PCNX1: variants seen among roughly 807,000 people sequenced by gnomAD.
PCNX1 encodes pecanex-like protein 1.
A neutral mutation model predicts 242.2 loss-of-function variants in PCNX1; 78 were observed. The observed-to-expected ratio is 0.32, with a 90% confidence interval of 0.27 to 0.39. The LOEUF (loss-of-function observed/expected upper bound fraction) is 0.39, where lower values mean the gene tolerates loss of function less well. Among genes scored for constraint, PCNX1 ranks in the 10% least tolerant of loss-of-function variants. The pLI is 1.00. For synonymous variants in PCNX1, 1,024 were observed against 1,032.9 expected (o/e 0.99, Z 0.17); for missense variants, 2,581 against 2,856.5 (o/e 0.90, Z 2.20).
intron 6 of PCNX1, among the ~76,000 whole-genome samples, chr14:70,986,143 C>G (rs1392130115): frequency 6.6e-6 from 1 of 152,156 alleles, no homozygotes; most frequent in African/African-American, 2.4e-5. Context: ...AGCACATTCC[C>G]AGGGGCATGG....
chr14:71,096,834 G>A (rs532412993), intron 30 of PCNX1, among the ~76,000 whole-genome samples: 20 of 152,264 alleles, frequency 1.3e-4, no homozygotes, highest in South Asian at 4.1e-4. Context: ...GTGTTAGAAG[G>A]CAGATGGAAA....
chr14:71,113,471 T>C lies in PCNX1; in HGVS notation c.*3536T>C, dbSNP rs969017188. ...TATTTTTCCATCACATACCAAAATA[T>C]AAAAATCAGCCTCACATTTTTCAGC... On this transcript the variant is annotated 3_prime_UTR_variant, in exon 36 of 36. Transcript: ENST00000304743. 1.4e-4 allele frequency: 22 copies of C among 152,654 alleles called. No individual in the cohort carries two copies. Among genetic ancestry groups the C allele is most frequent in the African/African-American group, 5.1e-4 (21 of 41,464 alleles). The allele number at this position is 152,654 out of a possible 1,614,324, so 9.5% of individuals were successfully genotyped here. A position where few individuals can be genotyped will look rare whatever the true frequency, so the allele number is the denominator to read the frequency against.
chr14:71,021,320 G>A (rs1309258362), intron 12 of PCNX1, among the ~76,000 whole-genome samples: 1 of 152,056 alleles, frequency 6.6e-6, no homozygotes, highest in Non-Finnish European at 1.5e-5. Context: ...GCTTGCTAGG[G>A]GTTGCATTGA....
intron 8 of PCNX1, among the ~76,000 whole-genome samples, chr14:71,000,543 T>TA (rs1186610458): frequency 6.6e-6 from 1 of 151,502 alleles, no homozygotes; most frequent in Non-Finnish European, 1.5e-5. Context: ...TTTTTTTTTT[T>TA]TTTGACGGAG....
rs148907451 is a variant in PCNX1 at position 71,103,592 on chromosome 14, C to T, written c.6018C>T (p.His2006=). The change falls in exon 32 of 36, where the codon CAC becomes CAT. Residue 2006 remains histidine, a synonymous_variant. Coordinates refer to ENST00000304743, the MANE Select transcript of PCNX1 (RefSeq NM_014982.3). Reference sequence around the variant, plus strand: ...TGACAACTTCTTACTCTGACAGCCACGAACAGCTTAAAGACATTCTTGGGG... The same window carrying T: ...TGACAACTTCTTACTCTGACAGCCATGAACAGCTTAAAGACATTCTTGGGG... ...SPLTTSYSDS[H]EQLKDILGGP... 7.2e-5 allele frequency: 117 copies of T among 1,613,922 alleles called. No individual in the cohort carries two copies. The highest frequency in any genetic ancestry group is 9.4e-5 in the Non-Finnish European group (111 of 1,179,968).
chr14:70,965,635 C>G (rs2058355121), intron 3 of PCNX1, among the ~76,000 whole-genome samples: 1 of 144,802 alleles, frequency 6.9e-6, no homozygotes, highest in South Asian at 2.2e-4. Flanking sequence ...TGCACTCCAG[C>G]CTGGGCAACA....
At chr14:71,097,176 GGT>G (rs2062312498) in intron 30 of PCNX1, among the ~76,000 whole-genome samples, 1 of 152,194 alleles carries the variant, frequency 6.6e-6, no homozygotes, top group South Asian at 2.1e-4. Flanking sequence ...AGTATTCCAT[GGT>G]GTATACGTAC....
At chr14:71,018,918 A>G in intron 11 of PCNX1, 91 bp from the exon 12 acceptor site, 3 of 1,084,402 alleles carry the variant, frequency 2.8e-6, no homozygotes, top group Non-Finnish European at 4.0e-6. Flanking sequence ...CATACCATGA[A>G]CTTCATATTT....
intron 30 of PCNX1, chr14:71,093,334 A>AG (rs34864967): frequency 6.7e-6 from 1 of 150,360 alleles, no homozygotes; most frequent in Non-Finnish European, 1.5e-5. Flanking sequence ...AAAAAAAAAA[A>AG]GGGTGATGAA....
At chr14:70,932,211 C>A (rs907510265) in intron 1 of PCNX1, among the ~76,000 whole-genome samples, 1 of 152,124 alleles carries the variant, frequency 6.6e-6, no homozygotes, top group African/African-American at 2.4e-5. Context: ...TCAACTTTTT[C>A]TAATAGCTGG....
chr14:71,096,883 C>A (rs1380702075), intron 30 of PCNX1, among the ~76,000 whole-genome samples: 1 of 152,120 alleles, frequency 6.6e-6, no homozygotes, highest in Non-Finnish European at 1.5e-5. Flanking sequence ...TAGCTGAATT[C>A]TAGCCTTAGC....
At chr14:71,105,138 A>C (rs939559117) in intron 32 of PCNX1, 97 bp from the exon 33 acceptor site, 1 of 847,096 alleles carries the variant, frequency 1.2e-6, no homozygotes, top group Non-Finnish European at 1.9e-6. Flanking sequence ...GGTGAACATT[A>C]GTAGCATTTG....
intron 1 of PCNX1, among the ~76,000 whole-genome samples, chr14:70,941,348 C>T (rs899386111): frequency 2.0e-5 from 3 of 152,124 alleles, no homozygotes; most frequent in African/African-American, 7.2e-5. Context: ...TTCCTTCTAA[C>T]AGTCAGGACT....
chr14:71,001,904 AT>A (rs751508481), intron 8 of PCNX1, among the ~76,000 whole-genome samples: 42 of 152,316 alleles, frequency 2.8e-4, no homozygotes, highest in Non-Finnish European at 5.3e-4. Flanking sequence ...AGTCGTTGAC[AT>A]TTTCCAGCAA....
chr14:70,917,999 C>A (rs1222352388), intron 1 of PCNX1, among the ~76,000 whole-genome samples: 10 of 152,186 alleles, frequency 6.6e-5, no homozygotes, highest in Admixed American at 6.5e-4. Context: ...GAACCAACTT[C>A]TGCTAGAGTC....
chr14:71,083,649 G>A (rs2061911764), intron 28 of PCNX1, among the ~76,000 whole-genome samples: 1 of 151,790 alleles, frequency 6.6e-6, no homozygotes, highest in Non-Finnish European at 1.5e-5. Flanking sequence ...TTTGGCTATT[G>A]ATACTTTTGT....
chr14:70,924,443 A>G (rs1220467888), intron 1 of PCNX1, among the ~76,000 whole-genome samples: 2 of 152,114 alleles, frequency 1.3e-5, no homozygotes, highest in African/African-American at 4.8e-5. Context: ...CAATACTGAT[A>G]CATCATTATT....
chr14:71,032,775 T>C (rs1337972353), intron 16 of PCNX1, among the ~76,000 whole-genome samples: 3 of 152,222 alleles, frequency 2.0e-5, no homozygotes, highest in African/African-American at 7.2e-5. Context: ...CTCTGCCAGG[T>C]ATCATGCTGA....
intron 28 of PCNX1, among the ~76,000 whole-genome samples, chr14:71,082,189 GAGTTCTAATTTGAT>G (rs2061871489): frequency 1.3e-5 from 2 of 152,154 alleles, no homozygotes; most frequent in African/African-American, 4.8e-5. Context: ...TCTTAATCCT[GAGTTCTAATTTGAT>G]TGCACTGTGG....
Sources: gnomAD v4.1 joint callset for allele counts (sites outside exome capture counted in the v4.1 genomes callset) on GRCh38, gnomAD v4.1.1 for gene constraint, MANE v1.5 for transcripts, NCBI Gene and HGNC (gene_info 2026-07-23, HGNC 2026-07-21) for gene names.